HCLS1: variants seen among roughly 807,000 people sequenced by gnomAD.
The protein encoded by HCLS1 is hematopoietic cell-specific Lyn substrate 1.
Under a neutral mutation model 68.6 loss-of-function variants are expected in HCLS1, and 44 were observed. The ratio of observed to expected loss-of-function variants is 0.64; its 90% CI spans 0.50 to 0.82. The LOEUF is 0.82. Ranked by LOEUF, HCLS1 falls within the 40% of genes least tolerant of loss-of-function variation. The pLI is 0.00. For missense variants in HCLS1, 602 were observed against 612.1 expected (o/e 0.98, Z 0.17); for synonymous variants, 217 against 225.8 (o/e 0.96, Z 0.35).
At chr3:121,659,412 C>T (rs1476281040) in intron 1 of HCLS1, among the ~76,000 whole-genome samples, 3 of 152,170 alleles carry the variant, frequency 2.0e-5, no homozygotes, top group African/African-American at 7.2e-5. Flanking sequence ...CACCTCATCC[C>T]ATTGGAGACC....
At chr3:121,657,859 C>T (rs145823873) in intron 2 of HCLS1, 2 of 194,312 alleles carry the variant, frequency 1.0e-5, no homozygotes, top group Non-Finnish European at 2.1e-5. Flanking sequence ...AAGAATTAAA[C>T]TAGTGAGCTC....
intron 1 of HCLS1, among the ~76,000 whole-genome samples, chr3:121,658,634 G>A (rs1179984482): frequency 1.3e-5 from 2 of 152,226 alleles, no homozygotes; most frequent in East Asian, 3.8e-4. Flanking sequence ...TAACCCACGA[G>A]TCAAAATTGC....
chr3:121,657,851 G>T, intron 2 of HCLS1: 1 of 190,102 alleles, frequency 5.3e-6, no homozygotes, highest in Non-Finnish European at 1.1e-5. Context: ...AAAACACAAA[G>T]AATTAAACTA....
chr3:121,641,139 G>A (rs1230683078), intron 6 of HCLS1, among the ~76,000 whole-genome samples: 2 of 151,944 alleles, frequency 1.3e-5, no homozygotes, highest in Non-Finnish European at 2.9e-5. Flanking sequence ...AATAAAAGTA[G>A]ATCTAACATT....
At chr3:121,641,913 C>G (rs1162275768) in intron 6 of HCLS1, among the ~76,000 whole-genome samples, 1 of 151,032 alleles carries the variant, frequency 6.6e-6, no homozygotes, top group Non-Finnish European at 1.5e-5. Context: ...AACCCCGTCT[C>G]CACTAAAAAT....
In HCLS1 at chr3:121,631,766, G is replaced by T; in HGVS notation, c.*80C>A. ...CAGAACCTCATCTGGTTAGACATTT[G>T]CAGCAGGAATAGGGAGGGGGTGGAG... On this transcript the variant is annotated 3_prime_UTR_variant, in exon 14 of 14. Transcript: ENST00000314583. 6.8e-7 allele frequency: 1 copy of T among 1,477,400 alleles called. No individual in the cohort carries two copies. Among genetic ancestry groups the T allele is most frequent in the Non-Finnish European group, 9.4e-7 (1 of 1,067,320 alleles). The allele number at this position is 1,477,400 out of a possible 1,614,324, so 91.5% of individuals were successfully genotyped here. A position where few individuals can be genotyped will look rare whatever the true frequency, so the allele number is the denominator to read the frequency against.
intron 1 of HCLS1, among the ~76,000 whole-genome samples, 153 bp downstream of exon 1, chr3:121,660,667 G>T (rs1937970892): frequency 6.6e-6 from 1 of 152,134 alleles, no homozygotes; most frequent in African/African-American, 2.4e-5. Flanking sequence ...ATGCTGATTT[G>T]CTACAACCAC....
chr3:121,638,896 G>A (rs886639789), intron 6 of HCLS1, among the ~76,000 whole-genome samples: 1 of 152,010 alleles, frequency 6.6e-6, no homozygotes, highest in African/African-American at 2.4e-5. Context: ...AAAGAAAAAT[G>A]TAAAAAACCA....
At chr3:121,642,817 C>A in intron 6 of HCLS1, 110 bp downstream of exon 6, 1 of 843,996 alleles carries the variant, frequency 1.2e-6, no homozygotes, top group South Asian at 1.3e-5. Flanking sequence ...AATAGTGGTG[C>A]GCTGGGTCAT....
intron 7 of HCLS1, 144 bp downstream of exon 7, chr3:121,637,002 C>T: frequency 1.6e-6 from 1 of 643,818 alleles, no homozygotes; most frequent in South Asian, 1.8e-5. Flanking sequence ...ACCACCTGTC[C>T]CCACACATGT....
chr3:121,636,488 AT>A lies in HCLS1; in HGVS notation c.566del (p.Asp189ValfsTer40), dbSNP rs2049152841. 6.2e-7 allele frequency: 1 copy of A among 1,613,340 alleles called. No homozygotes were observed. The highest frequency in any genetic ancestry group is 8.5e-7 in the Non-Finnish European group (1 of 1,179,300). On this transcript the variant is annotated frameshift_variant and splice_region_variant, in exon 8 of 14. Coordinates refer to ENST00000314583, the MANE Select transcript of HCLS1 (RefSeq NM_005335.6). LOFTEE classifies it high-confidence loss of function. Reference protein sequence around the residue: ...GETEKHESQRDYAKGFGGQYG... With the variant: ...GETEKHESQRXYAKGFGGQYG... ...ACTGGCCACCAAAGCCCTTGGCATA[AT>A]CTGCAGGACAGAAAGTTCTGAGTTA... is the stretch of plus-strand genomic sequence containing the variant.
intron 6 of HCLS1, 58 bp from the exon 7 acceptor site, chr3:121,637,314 C>T (rs969390147): frequency 1.5e-5 from 18 of 1,174,056 alleles, no homozygotes; most frequent in East Asian, 2.3e-5. Context: ...CACAGGGAAG[C>T]GCTGGAGAAG....
intron 8 of HCLS1, 89 bp downstream of exon 8, chr3:121,636,345 C>T (rs1471639506): frequency 3.6e-6 from 4 of 1,108,124 alleles, no homozygotes; most frequent in East Asian, 4.7e-5. Flanking sequence ...ACCGTCCCCT[C>T]CCTCTCCCAG....
chr3:121,639,530 TTTGTTGTTGTTGTTGTTG>T (rs373818113), intron 6 of HCLS1, among the ~76,000 whole-genome samples: 1 of 151,226 alleles, frequency 6.6e-6, no homozygotes, highest in East Asian at 1.9e-4. Context: ...GATTTTATTT[TTTGTTGTTGTTGTTGTTG>T]TTGTTGTTGT....
At chr3:121,645,326 A>T (rs1919550) in intron 4 of HCLS1, among the ~76,000 whole-genome samples, 12,909 of 152,236 alleles carry the variant, frequency 0.085, 1,197 homozygotes, top group Admixed American at 0.29. Context: ...CATAGCCGGG[A>T]TGGAATATTT....
chr3:121,640,804 GGGGAGGGGA>G (rs1560139704), intron 6 of HCLS1, among the ~76,000 whole-genome samples: 1 of 112,678 alleles, frequency 8.9e-6, no homozygotes, highest in African/African-American at 3.3e-5. Flanking sequence ...GGGGAGGGGA[GGGGAGGGGA>G]GGGCAGGGGA....
intron 6 of HCLS1, among the ~76,000 whole-genome samples, chr3:121,637,826 C>T (rs1158525043): frequency 6.6e-6 from 1 of 151,948 alleles, no homozygotes; most frequent in Non-Finnish European, 1.5e-5. Context: ...GCCCCAGCTA[C>T]TGGGGAGGCT....
chr3:121,657,475 T>G (rs1937897678), intron 2 of HCLS1, 123 bp from the exon 3 acceptor site: 1 of 795,036 alleles, frequency 1.3e-6, no homozygotes. Flanking sequence ...TCTGGGTCTT[T>G]ATTCACATCC....
chr3:121,632,501 C>T lies in HCLS1; in HGVS notation c.1071G>A (p.Glu357=). 1 of 1,539,872 alleles carries T rather than the reference C, an allele frequency of 6.5e-7. No homozygotes were observed. Among genetic ancestry groups the T allele is most frequent in the East Asian group, 2.5e-5 (1 of 40,662 alleles). ...GCTCAGGCTCTGCTTCGTACACTGG[C>T]TCTTCCTCCACCTGGAGGCCTTCCA... ...RTLEGLQVEE[E]PVYEAEPEPE... is the part of the protein sequence containing the mutation. The change falls in exon 12 of 14, where the codon GAG becomes GAA. Residue 357 remains glutamate (E), a synonymous_variant. Transcript: ENST00000314583.
Sources: gnomAD v4.1 joint callset for allele counts (sites outside exome capture counted in the v4.1 genomes callset) on GRCh38, gnomAD v4.1.1 for gene constraint, MANE v1.5 for transcripts, NCBI Gene and HGNC (gene_info 2026-07-23, HGNC 2026-07-21) for gene names.